The following TUBG2 variants were observed in gnomAD, a reference collection of about 807,000 sequenced individuals.
TUBG2 encodes the protein tubulin gamma 2, also known as tubulin gamma-2 chain.
In TUBG2, 39 loss-of-function variants were observed where a neutral mutation model predicts 55.1. The ratio of observed to expected loss-of-function variants is 0.71; its 90% confidence interval spans 0.55 to 0.93. TUBG2 has a LOEUF of 0.93. Ranked by LOEUF, TUBG2 falls within the 40% of genes least tolerant of loss-of-function variation. The pLI is 0.00. For missense variants in TUBG2, 358 were observed against 599.1 expected (o/e 0.60, Z 4.20); for synonymous variants, 223 against 241.0 (o/e 0.93, Z 0.69).
rs972411229 is a variant in TUBG2 at position 42,666,133 on chromosome 17, T to G, written c.890T>G (p.Leu297Arg). The G allele has an allele frequency of 6.2e-7, 1 of 1,613,990 alleles. No homozygotes were observed. Among genetic ancestry groups the G allele is most frequent in the Non-Finnish European group, 8.5e-7 (1 of 1,179,868 alleles). ...ACGGTCCTGGATGTCATGAGGCGGC[T>G]GCTGCAGCCCAAGAACGTGATGGTG... The part of the protein sequence containing the change: ...KTTVLDVMRR[L>R]LQPKNVMVST... The change falls in exon 9 of 11, where the codon CTG (leucine) becomes CGG (arginine). Residue 297 changes from leucine (L) to arginine (R), a missense_variant. Physicochemically the swap from Leu to Arg is moderately radical, Grantham distance 102 (BLOSUM62 -2). Coordinates refer to ENST00000251412, the MANE Select transcript of TUBG2 (RefSeq NM_016437.3).
Position 42,666,743 on chromosome 17 carries a change from T to G in TUBG2, c.1299T>G (p.Asp433Glu). ...GGGAGGTTGTTCAGGAGCTCATTGA[T>G]GAGTACCATGCGGCCACCCAGCCAG... ...RSREVVQELIDEYHAATQPDY... is the reference protein window; with the variant it reads ...RSREVVQELIEEYHAATQPDY... The change falls in exon 11 of 11, where the codon GAT (aspartate) becomes GAG (glutamate). Residue 433 changes from aspartate (D) to glutamate (E), a missense_variant. Asp to Glu is a conservative substitution (Grantham distance 45). Around this residue, in one of 8 missense-constraint regions of TUBG2, gnomAD observed 54 missense variants for 50.2 expected, o/e 1.08. Transcript: ENST00000251412. 6.2e-7 allele frequency: 1 copy of G among 1,614,148 alleles called. No homozygotes were observed. Among genetic ancestry groups the G allele is most frequent in the Non-Finnish European group, 8.5e-7 (1 of 1,180,006 alleles).
intron 5 of TUBG2, 148 bp from the exon 6 acceptor site, chr17:42,663,229 G>A: frequency 1.5e-6 from 2 of 1,335,328 alleles, no homozygotes; most frequent in Non-Finnish European, 2.1e-6. Context: ...GAGGGGAGGG[G>A]ATCTACAGAG....
chr17:42,659,778 T>G, intron 1 of TUBG2, 56 bp from the exon 2 acceptor site: 1 of 1,602,626 alleles, frequency 6.2e-7, no homozygotes, highest in South Asian at 1.1e-5. Context: ...AGACTAAAAC[T>G]GGGCTCCTCA....
rs376456859 is a variant in TUBG2 at position 42,663,942 on chromosome 17, C to CAAA, written c.606+452_606+454dup. The stretch of plus-strand genomic sequence containing the variant: ...TGGGTGACAGAGCGAGACTCTGTCT[C>CAAA]AAAAAAAAAAAAAAATTAGCCAGTC... On this transcript the variant is annotated intron_variant, in intron 6 of 10. Coordinates refer to ENST00000251412, the MANE Select transcript of TUBG2 (RefSeq NM_016437.3). Among the ~76,000 whole-genome samples the CAAA allele has an allele frequency of 1.8e-3, 237 of 130,132 alleles. 1 individual carries two copies. The highest frequency in any genetic ancestry group is 6.8e-3 in the African/African-American group (232 of 34,086). The allele number at this position is 130,132 out of a possible 152,430, so 85.4% of individuals were successfully genotyped here. A position where few individuals can be genotyped will look rare whatever the true frequency, so the allele number is the denominator to read the frequency against.
At position 42,665,679 on chromosome 17, in the gene TUBG2, T is replaced by A. The variant is rs756619091; in HGVS notation, c.695T>A (p.Val232Glu). 6.2e-7 allele frequency: 1 copy of A among 1,613,934 alleles called. No homozygotes were observed. Among genetic ancestry groups the A allele is most frequent in the Non-Finnish European group, 8.5e-7 (1 of 1,179,998 alleles). The stretch of plus-strand genomic sequence containing the variant: ...ATGACATGGCACGCCTGTCCCCAGG[T>A]GTCCACCATCATGTCGGCCAGCACC... ...NPSFSQINQL[V>E]STIMSASTTT... The change falls in exon 8 of 11, where the codon GTG (valine) becomes GAG (glutamate). Residue 232 changes from valine (V) to glutamate (E), a missense_variant and splice_region_variant. Val to Glu is a moderately radical substitution (Grantham distance 121). Around this residue, in one of 8 missense-constraint regions of TUBG2, gnomAD observed 52 missense variants for 53.8 expected, o/e 0.97. Coordinates refer to ENST00000251412, the MANE Select transcript of TUBG2 (RefSeq NM_016437.3).
intron 3 of TUBG2, 50 bp downstream of exon 3, chr17:42,660,366 A>G (rs548160407): frequency 4.3e-6 from 7 of 1,611,294 alleles, no homozygotes; most frequent in African/African-American, 1.3e-5. Flanking sequence ...TCCAGAGGCA[A>G]GGCAGGCTCA....
intron 8 of TUBG2, 42 bp downstream of exon 8, chr17:42,665,869 G>A (rs1461724279): frequency 1.2e-5 from 19 of 1,612,638 alleles, no homozygotes; most frequent in African/African-American, 2.7e-5. Context: ...CTGGCCCTGG[G>A]CCCAGCAGGC....
At chr17:42,664,764 G>C (rs148074116) in intron 6 of TUBG2, among the ~76,000 whole-genome samples, 4 of 151,510 alleles carry the variant, frequency 2.6e-5, no homozygotes, top group Non-Finnish European at 5.9e-5. Flanking sequence ...GGGTACTCAC[G>C]TGTTTGTTTA....
At chr17:42,661,346 A>G (rs2052378353) in intron 4 of TUBG2, 1 of 152,224 alleles carries the variant, frequency 6.6e-6, no homozygotes, top group Non-Finnish European at 1.5e-5. Context: ...GTGCCTTTCA[A>G]CCAAACCTGA....
At position 42,659,387 on chromosome 17, in the gene TUBG2, G is replaced by T. The variant is rs766374345; in HGVS notation, c.-117G>T. 582 of 1,097,280 alleles carry T rather than the reference G, an allele frequency of 5.3e-4. No homozygotes were observed. The highest frequency in any genetic ancestry group is 7.0e-4 in the Non-Finnish European group (554 of 787,308). The allele number at this position is 1,097,280 out of a possible 1,614,324, so 68.0% of individuals were successfully genotyped here. On this transcript the variant is annotated 5_prime_UTR_variant, in exon 1 of 11. Transcript: ENST00000251412. ...CTGCACACGCGCAGACCGAGCATCC[G>T]CGTCAAGAGGCGAAGAGAGCGCGCG... is the stretch of plus-strand genomic sequence containing the variant.
chr17:42,661,960 C>T (rs1315940384), intron 4 of TUBG2, among the ~76,000 whole-genome samples: 1 of 152,200 alleles, frequency 6.6e-6, no homozygotes, highest in Non-Finnish European at 1.5e-5. Flanking sequence ...TCTTCAGGTA[C>T]AGATACTCCT....
chr17:42,665,971 C>T (rs2052527566), intron 8 of TUBG2, 116 bp from the exon 9 acceptor site: 6 of 1,590,958 alleles, frequency 3.8e-6, no homozygotes, highest in Admixed American at 1.7e-5. Flanking sequence ...ACAGAGCGGG[C>T]GACTTTCTTG....
chr17:42,665,031 T>G (rs1279810396), intron 6 of TUBG2, among the ~76,000 whole-genome samples: 1 of 150,162 alleles, frequency 6.7e-6, no homozygotes, highest in Non-Finnish European at 1.5e-5. Context: ...TTATTTTATT[T>G]TATTTATTTT....
intron 8 of TUBG2, 60 bp from the exon 9 acceptor site, chr17:42,666,027 A>G: frequency 6.2e-7 from 1 of 1,609,440 alleles, no homozygotes; most frequent in Non-Finnish European, 8.5e-7. Flanking sequence ...TCTGCCAAAG[A>G]GAAGCCAAAG....
chr17:42,663,437 C>T lies in TUBG2; in HGVS notation c.540C>T (p.Asp180=), dbSNP rs372037754. ...SVFPYQDEMS[D]VVVQPYNSLL... is the part of the protein sequence containing the mutation. The stretch of plus-strand genomic sequence containing the variant: ...TTCCCTACCAGGACGAGATGAGCGA[C>T]GTAGTGGTTCAGCCCTACAATTCAC... The change falls in exon 6 of 11, where the codon GAC becomes GAT. Residue 180 remains aspartate, a synonymous_variant. Coordinates refer to ENST00000251412, the MANE Select transcript of TUBG2 (RefSeq NM_016437.3). 1.4e-5 allele frequency: 23 copies of T among 1,614,034 alleles called. No homozygotes were observed. Among genetic ancestry groups the T allele is most frequent in the South Asian group, 3.3e-5 (3 of 91,088 alleles).
intron 5 of TUBG2, 145 bp downstream of exon 5, chr17:42,663,197 G>A: frequency 7.9e-7 from 1 of 1,261,188 alleles, no homozygotes; most frequent in Non-Finnish European, 1.1e-6. Flanking sequence ...AAGCTATTTT[G>A]GGGGGTGGGG....
intron 3 of TUBG2, 158 bp downstream of exon 3, chr17:42,660,474 C>A: frequency 7.3e-7 from 1 of 1,377,296 alleles, no homozygotes; most frequent in Non-Finnish European, 1.0e-6. Context: ...AAATTTTGTG[C>A]AAATCATTTG....
intron 4 of TUBG2, among the ~76,000 whole-genome samples, chr17:42,662,063 G>A (rs189174725): frequency 1.6e-4 from 25 of 152,316 alleles, no homozygotes; most frequent in African/African-American, 4.6e-4. Context: ...CCAGCACTTT[G>A]GGAGGCCGAA....
At chr17:42,662,377 G>C (rs1007722659) in intron 4 of TUBG2, among the ~76,000 whole-genome samples, 6 of 150,116 alleles carry the variant, frequency 4.0e-5, no homozygotes, top group Middle Eastern at 3.7e-3. Context: ...AGGCCGAGGC[G>C]GGCAGATCAC....
Sources: allele counts gnomAD v4.1 joint callset (sites outside exome capture counted in the v4.1 genomes callset), GRCh38; gene constraint gnomAD v4.1.1; regional missense constraint gnomAD v4.1.1; transcripts MANE v1.5; gene names NCBI Gene and HGNC (gene_info 2026-07-23, HGNC 2026-07-21).